LOXL4: variants seen among roughly 807,000 people sequenced by gnomAD.
LOXL4 encodes lysyl oxidase like 4, also known as lysyl oxidase homolog 4.
Under a neutral mutation model 89.1 loss-of-function variants are expected in LOXL4, and 72 were observed. That is an observed-to-expected ratio of 0.81 (90% CI 0.67 to 0.98). The LOEUF (loss-of-function observed/expected upper bound fraction) is 0.98, where lower values mean the gene tolerates loss of function less well. Among genes scored for constraint, LOXL4 ranks in the 50% least tolerant of loss-of-function variants. The probability of loss-of-function intolerance (pLI) is 0.00; values close to 1 mark genes in which losing one functional copy is unlikely to be tolerated. For missense variants in LOXL4, 984 were observed against 1,017.5 expected, an observed-to-expected ratio of 0.97 and a Z score of 0.45; for synonymous variants, 355 against 392.1, an observed-to-expected ratio of 0.91 and a Z score of 1.12.
Position 98,253,707 on chromosome 10 carries a change from C to T in LOXL4, c.1681G>A (p.Glu561Lys), listed in dbSNP as rs758650325. The T allele has an allele frequency of 9.9e-6, 16 of 1,614,074 alleles. No homozygotes were observed. In the East Asian group the frequency reaches 1.8e-4, roughly 18 times the overall value. The change falls in exon 11 of 15, where the codon GAG becomes AAG. Residue 561 changes from glutamate (E) to lysine (K), a missense_variant. Glu to Lys is a moderately conservative substitution (Grantham distance 56). Transcript: ENST00000260702. ...GCAGACTTGGAGAGGCAGTTCTCCTCGTGGGCACAATACAGCTGGCTGAGC... is the reference window on the plus strand; with the variant it reads ...GCAGACTTGGAGAGGCAGTTCTCCTTGTGGGCACAATACAGCTGGCTGAGC... ...RPLSQLYCAH[E>K]ENCLSKSADH... is the part of the protein sequence containing the mutation.
intron 6 of LOXL4, 59 bp from the exon 7 acceptor site, chr10:98,258,223 C>G: frequency 1.3e-6 from 2 of 1,513,442 alleles, no homozygotes; most frequent in Non-Finnish European, 1.8e-6. Flanking sequence ...AGGGGCTGAG[C>G]CCCCACAGCG....
At chr10:98,259,346 A>G in intron 5 of LOXL4, 45 bp downstream of exon 5, 1 of 1,606,550 alleles carries the variant, frequency 6.2e-7, no homozygotes, top group Non-Finnish European at 8.5e-7. Flanking sequence ...GAGGCCCTTC[A>G]TGCCACACCC....
Position 98,257,649 on chromosome 10 carries a change from C to A in LOXL4, c.1260+1G>T. 6.2e-7 allele frequency: 1 copy of A among 1,612,740 alleles called. No individual in the cohort carries two copies. The highest frequency in any genetic ancestry group is 1.1e-5 in the South Asian group (1 of 90,854). On this transcript the variant is annotated splice_donor_variant, in intron 8 of 14. Coordinates refer to ENST00000260702, the MANE Select transcript of LOXL4 (RefSeq NM_032211.7). LOFTEE classifies it high-confidence loss of function. ...GAGGCCATGCTCAGACCCAAACTCA[C>A]CTGATTCTGAAAGCCCATGTTAGGG...
chr10:98,259,004 C>T lies in LOXL4; in HGVS notation c.921+5G>A. On this transcript the variant is annotated splice_donor_5th_base_variant and intron_variant, in intron 6 of 14. Coordinates refer to ENST00000260702, the MANE Select transcript of LOXL4 (RefSeq NM_032211.7). ...TGGTGTGAGTGCAGGATGCCCAGGG[C>T]TCACCTCTGCCCAGGACCCTTTGCG... 1.3e-6 allele frequency: 2 copies of T among 1,529,980 alleles called. No individual in the cohort carries two copies. The highest frequency in any genetic ancestry group is 1.8e-6 in the Non-Finnish European group (2 of 1,132,434). The allele number at this position is 1,529,980 out of a possible 1,614,324, so 94.8% of individuals were successfully genotyped here. A position where few individuals can be genotyped will look rare whatever the true frequency, so the allele number is the denominator to read the frequency against.
chr10:98,257,622 C>T (rs894381403), intron 8 of LOXL4, 28 bp downstream of exon 8: 1 of 1,605,118 alleles, frequency 6.2e-7, no homozygotes, highest in East Asian at 2.2e-5. Context: ...GGCCCCCAGC[C>T]TGAGGCCATG....
rs1858726001 is a variant in LOXL4, at chr10:98,268,148, A to T, written c.-49T>A. On this transcript the variant is annotated 5_prime_UTR_variant, in exon 1 of 15. Coordinates refer to ENST00000260702, the MANE Select transcript of LOXL4 (RefSeq NM_032211.7). ...GGGGCTCACCAGATGGAGCGCGGAC[A>T]GTCCGGGGCTGGGCGGGCGCCGCGG... The T allele has an allele frequency of 6.6e-6, 1 of 151,988 alleles. No individual in the cohort carries two copies. The highest frequency in any genetic ancestry group is 2.4e-5 in the African/African-American group (1 of 41,414). 9.4% of individuals were successfully genotyped at this position (151,988 alleles called of 1,614,324 possible).
In LOXL4 at chr10:98,257,738, G is replaced by C; in HGVS notation, c.1172C>G (p.Pro391Arg). The part of the protein sequence containing the change: ...RGYERTLSDC[P>R]ALEGSQNGCQ... Reference sequence around the variant, plus strand: ...ACCATTCTGGGACCCTTCCAGGGCAGGGCAGTCGCTGAGGGTCCGCTCATA... The same window carrying C: ...ACCATTCTGGGACCCTTCCAGGGCACGGCAGTCGCTGAGGGTCCGCTCATA... The change falls in exon 8 of 15, where the codon CCT becomes CGT. Residue 391 changes from proline (P) to arginine (R), a missense_variant. Coordinates refer to ENST00000260702, the MANE Select transcript of LOXL4 (RefSeq NM_032211.7). 1.2e-6 allele frequency: 2 copies of C among 1,614,132 alleles called. No homozygotes were observed. The highest frequency in any genetic ancestry group is 1.7e-6 in the Non-Finnish European group (2 of 1,180,000).
Position 98,258,082 on chromosome 10 carries a change from A to G in LOXL4, c.1004T>C (p.Val335Ala). 2 of 1,613,670 alleles carry G rather than the reference A, an allele frequency of 1.2e-6. No homozygotes were observed. The highest frequency in any genetic ancestry group is 1.1e-5 in the South Asian group (1 of 91,084). ...EVLMNRQWGTVCDHRWNLISA... is the reference protein window; with the variant it reads ...EVLMNRQWGTACDHRWNLISA... ...GATGAGGTTCCACCTGTGGTCACAG[A>G]CCGTGCCCCACTGGCGGTTCATGAG... The change falls in exon 7 of 15, where the codon GTC (valine) becomes GCC (alanine). Residue 335 changes from valine to alanine, a missense_variant. By Grantham distance (64) the Val-to-Ala change is moderately conservative. Coordinates refer to ENST00000260702, the MANE Select transcript of LOXL4 (RefSeq NM_032211.7).
intron 11 of LOXL4, 77 bp from the exon 12 acceptor site, chr10:98,252,545 G>C: frequency 2.1e-6 from 2 of 943,004 alleles, no homozygotes; most frequent in Admixed American, 4.0e-5. Context: ...GGGAAGACAG[G>C]CCCCAGGCCC....
At chr10:98,253,525 T>C (rs1345753280) in intron 11 of LOXL4, 28 bp downstream of exon 11, 1 of 1,613,972 alleles carries the variant, frequency 6.2e-7, no homozygotes, top group Non-Finnish European at 8.5e-7. Context: ...CCTAACCCTC[T>C]AGTGCCAATG....
intron 4 of LOXL4, 96 bp downstream of exon 4, chr10:98,260,826 C>T (rs1039008143): frequency 2.7e-5 from 35 of 1,300,994 alleles, no homozygotes; most frequent in Admixed American, 4.0e-5. Flanking sequence ...CAGACTCATG[C>T]ACACACCCTA....
chr10:98,248,427 A>G lies in LOXL4; in HGVS notation c.*494T>C, dbSNP rs1858098738. 6.4e-6 allele frequency: 1 copy of G among 155,210 alleles called. No individual in the cohort carries two copies. Among genetic ancestry groups the G allele is most frequent in the Non-Finnish European group, 1.4e-5 (1 of 69,768 alleles). The allele number at this position is 155,210 out of a possible 1,614,324, so 9.6% of individuals were successfully genotyped here. On this transcript the variant is annotated 3_prime_UTR_variant, in exon 15 of 15. Transcript: ENST00000260702. ...TAACAACAGATGAAGAAAGGATTGG[A>G]TCCACCAGCTTCTCTGCCAGTTGTG... is the stretch of plus-strand genomic sequence containing the variant.
At chr10:98,251,768 T>C in intron 12 of LOXL4, 66 bp from the exon 13 acceptor site, 1 of 1,576,964 alleles carries the variant, frequency 6.3e-7, no homozygotes, top group South Asian at 1.2e-5. Context: ...TTTTATTTCC[T>C]TTACCAGTTC....
chr10:98,249,045 C>T, intron 14 of LOXL4, 54 bp from the exon 15 acceptor site: 1 of 1,418,024 alleles, frequency 7.1e-7, no homozygotes, highest in South Asian at 1.2e-5. Flanking sequence ...CTCATCCCTT[C>T]CCTGACAACT....
In LOXL4 at chr10:98,259,112, C is replaced by T. The variant is rs746575717; in HGVS notation, c.818G>A (p.Arg273Gln). The T allele has an allele frequency of 3.7e-5, 59 of 1,607,078 alleles. No homozygotes were observed. Among genetic ancestry groups the T allele is most frequent in the Admixed American group, 2.4e-4 (14 of 59,358 alleles). Residue 273 changes from arginine to glutamine, a missense_variant, in exon 6 of 15, where the codon CGG (arginine) becomes CAG (glutamine). By Grantham distance (43) the Arg-to-Gln change is conservative. Coordinates refer to ENST00000260702, the MANE Select transcript of LOXL4 (RefSeq NM_032211.7). ...GTGCATGCCACCTGGGCAGGCTGGCCGCAGCTTGCCCCGGGCTGGAGCCAC... is the reference window on the plus strand; with the variant it reads ...GTGCATGCCACCTGGGCAGGCTGGCTGCAGCTTGCCCCGGGCTGGAGCCAC... ...VQVAPARGKL[R>Q]PACPGGMHAV...
At chr10:98,255,111 C>T (rs993306646) in intron 10 of LOXL4, among the ~76,000 whole-genome samples, 18 of 152,194 alleles carry the variant, frequency 1.2e-4, no homozygotes, top group African/African-American at 4.1e-4. Context: ...AATCCCACAG[C>T]TCAGGAAGAG....
chr10:98,252,232 C>A, intron 12 of LOXL4, 121 bp downstream of exon 12: 1 of 726,638 alleles, frequency 1.4e-6, no homozygotes, highest in Non-Finnish European at 2.3e-6. Flanking sequence ...GCTAACTTTT[C>A]AAGCCAGGGT....
intron 1 of LOXL4, 129 bp from the exon 2 acceptor site, chr10:98,263,180 G>A (rs1006988182): frequency 7.0e-5 from 41 of 584,082 alleles, no homozygotes; most frequent in Non-Finnish European, 8.7e-5. Flanking sequence ...GTGTGCACGC[G>A]CACACACACA....
At chr10:98,266,008 A>G (rs1292174163) in intron 1 of LOXL4, among the ~76,000 whole-genome samples, 1 of 152,100 alleles carries the variant, frequency 6.6e-6, no homozygotes, top group African/African-American at 2.4e-5. Flanking sequence ...TGTCTTCTGC[A>G]TGTCACTCAG....
Sources: gnomAD v4.1 joint callset for allele counts (sites outside exome capture counted in the v4.1 genomes callset) on GRCh38, gnomAD v4.1.1 for gene constraint, MANE v1.5 for transcripts, NCBI Gene and HGNC (gene_info 2026-07-23, HGNC 2026-07-21) for gene names.